The following POLQ variants were observed in gnomAD, a reference collection of about 807,000 sequenced individuals.
POLQ encodes DNA polymerase theta.
A neutral mutation model predicts 259.2 loss-of-function variants in POLQ; 233 were observed. The observed-to-expected ratio is 0.90, with a 90% CI of 0.81 to 1.00. The LOEUF (loss-of-function observed/expected upper bound fraction) is 1.00, where lower values mean the gene tolerates loss of function less well. Ranked by LOEUF, POLQ falls within the 50% of genes least tolerant of loss-of-function variation. The pLI is 0.00. For missense variants in POLQ, 2,871 were observed against 3,051.6 expected (o/e 0.94, Z 1.39); for synonymous variants, 1,025 against 1,048.8 (o/e 0.98, Z 0.44).
Position 121,488,494 on chromosome 3 carries a change from A to T in POLQ, c.4437T>A (p.Pro1479=). 6.2e-7 allele frequency: 1 copy of T among 1,608,218 alleles called. No individual in the cohort carries two copies. The highest frequency in any genetic ancestry group is 8.5e-7 in the Non-Finnish European group (1 of 1,177,806). Reference sequence around the variant, plus strand: ...TATCACTCATATTCAAACTTGTTTCAGGAACTGGAAGACATTCTCCTTCTA... The same window carrying T: ...TATCACTCATATTCAAACTTGTTTCTGGAACTGGAAGACATTCTCCTTCTA... ...TGVEGECLPV[P]ETSLNMSDSL... is the part of the protein sequence containing the mutation. The change falls in exon 16 of 30, where the codon CCT becomes CCA. Residue 1479 remains proline (P), a synonymous_variant. Coordinates refer to ENST00000264233, the MANE Select transcript of POLQ (RefSeq NM_199420.4).
chr3:121,489,521 A>G lies in POLQ; in HGVS notation c.3410T>C (p.Ile1137Thr). 6.2e-7 allele frequency: 1 copy of G among 1,613,844 alleles called. No homozygotes were observed. The highest frequency in any genetic ancestry group is 8.5e-7 in the Non-Finnish European group (1 of 1,179,936). ...TLTNDNFVEH[I>T]VTGSQSKNVT... ...ATTTTTACTCTGAGATCCTGTGACA[A>G]TATGCTCCACAAAATTATCATTAGT... Residue 1137 changes from isoleucine (I) to threonine (T), a missense_variant, in exon 16 of 30, where the codon ATT (isoleucine) becomes ACT (threonine). Coordinates refer to ENST00000264233, the MANE Select transcript of POLQ (RefSeq NM_199420.4).
At chr3:121,452,705 A>G (rs2108779622) in intron 25 of POLQ, among the ~76,000 whole-genome samples, 1 of 152,308 alleles carries the variant, frequency 6.6e-6, no homozygotes, top group East Asian at 1.9e-4. Context: ...GCCATTGCCC[A>G]GGCTTGCTTA....
chr3:121,509,999 A>G (rs775691153), intron 11 of POLQ, 40 bp downstream of exon 11: 1 of 1,477,868 alleles, frequency 6.8e-7, no homozygotes, highest in South Asian at 1.1e-5. Flanking sequence ...TCACTAAAGA[A>G]GAAAAAGTGA....
At chr3:121,448,401 C>T (rs1449353291) in intron 26 of POLQ, among the ~76,000 whole-genome samples, 1 of 151,802 alleles carries the variant, frequency 6.6e-6, no homozygotes, top group Admixed American at 6.6e-5. Context: ...GAGTTTCATT[C>T]TTGACCCCCA....
At chr3:121,519,817 A>G in intron 9 of POLQ, 54 bp downstream of exon 9, 1 of 1,002,318 alleles carries the variant, frequency 1.0e-6, no homozygotes, top group South Asian at 1.3e-5. Context: ...GTCAAATTTC[A>G]AGTAGACACT....
chr3:121,470,265 A>G (rs1384372787), intron 22 of POLQ, among the ~76,000 whole-genome samples: 1 of 152,200 alleles, frequency 6.6e-6, no homozygotes, highest in East Asian at 1.9e-4. Flanking sequence ...CTCAAAAATA[A>G]ATAAATAAAT....
At position 121,496,817 on chromosome 3, in the gene POLQ, C is replaced by G; in HGVS notation, c.2269G>C (p.Val757Leu). The change falls in exon 14 of 30, where the codon GTT becomes CTT. Residue 757 changes from valine to leucine, a missense_variant. Physicochemically the swap from Val to Leu is conservative, Grantham distance 32. Coordinates refer to ENST00000264233, the MANE Select transcript of POLQ (RefSeq NM_199420.4). ...QIQSLQQSAA[V>L]YAGMITVFSN... is the part of the protein sequence containing the mutation. ...CCTTTGTTTAACTGACCTGCATAAA[C>G]AGCAGCTGACTGTTGCAAAGATTGA... 1 of 1,612,292 alleles carries G rather than the reference C, an allele frequency of 6.2e-7. No individual in the cohort carries two copies. Among genetic ancestry groups the G allele is most frequent in the Non-Finnish European group, 8.5e-7 (1 of 1,179,678 alleles).
intron 9 of POLQ, among the ~76,000 whole-genome samples, chr3:121,512,357 T>C (rs1378281521): frequency 6.6e-6 from 1 of 152,180 alleles, no homozygotes; most frequent in Non-Finnish European, 1.5e-5. Flanking sequence ...CCATTCCCTC[T>C]CCCACACAGG....
intron 6 of POLQ, among the ~76,000 whole-genome samples, chr3:121,530,361 AG>A (rs1395305737): frequency 3.3e-5 from 5 of 152,344 alleles, no homozygotes; most frequent in African/African-American, 1.2e-4. Flanking sequence ...AGAACATTTA[AG>A]GTAGGCTAGG....
At chr3:121,464,392 C>CAATAATAAT (rs893732851) in intron 24 of POLQ, among the ~76,000 whole-genome samples, 1 of 151,332 alleles carries the variant, frequency 6.6e-6, no homozygotes, top group South Asian at 2.1e-4. Flanking sequence ...ACAACAACAA[C>CAATAATAAT]AATAATAATA....
rs1254822455 is a variant in POLQ, at chr3:121,529,595, T to C, written c.1108+50A>G. On this transcript the variant is annotated intron_variant, in intron 7 of 29. Coordinates refer to ENST00000264233, the MANE Select transcript of POLQ (RefSeq NM_199420.4). ...GCTAATATAATCACTACCATTACTT[T>C]CAAGCAAATGTACTAAGCATGAAGG... 3.8e-6 allele frequency: 6 copies of C among 1,563,432 alleles called. No homozygotes were observed. In the South Asian group the frequency reaches 5.7e-5, roughly 15 times the overall value.
chr3:121,470,188 G>A (rs901804200), intron 22 of POLQ, among the ~76,000 whole-genome samples: 2 of 152,090 alleles, frequency 1.3e-5, no homozygotes, highest in South Asian at 4.2e-4. Context: ...GAACCTAGGA[G>A]GCGGAGGTTG....
chr3:121,486,901 GAGA>G (rs1428728071), intron 16 of POLQ, among the ~76,000 whole-genome samples: 4 of 149,304 alleles, frequency 2.7e-5, no homozygotes, highest in South Asian at 4.2e-4. Flanking sequence ...GACAGAGAGA[GAGA>G]GAGAGAGAGA....
intron 25 of POLQ, among the ~76,000 whole-genome samples, chr3:121,458,234 G>T (rs1377034025): frequency 1.3e-5 from 2 of 152,040 alleles, no homozygotes; most frequent in African/African-American, 4.8e-5. Flanking sequence ...GGGGACTGTT[G>T]TGTGGTGGGG....
intron 12 of POLQ, among the ~76,000 whole-genome samples, chr3:121,500,301 T>C (rs1251316774): frequency 2.2e-5 from 3 of 136,150 alleles, no homozygotes; most frequent in Non-Finnish European, 3.1e-5. Context: ...AAAAAAAAAG[T>C]GCAGTAACTA....
Position 121,545,979 on chromosome 3 carries a change from C to T in POLQ, c.-102G>A. 5 of 1,429,268 alleles carry T rather than the reference C, an allele frequency of 3.5e-6. No homozygotes were observed. The highest frequency in any genetic ancestry group is 4.8e-6 in the Non-Finnish European group (5 of 1,035,092). 88.5% of individuals were successfully genotyped at this position (1,429,268 alleles called of 1,614,324 possible). ...CAGCTGCGGACATCTTCCCGCCAGT[C>T]TTCAAACTCAAACCTCCCGGCCCGC... On this transcript the variant is annotated 5_prime_UTR_variant, in exon 1 of 30. Coordinates refer to ENST00000264233, the MANE Select transcript of POLQ (RefSeq NM_199420.4).
chr3:121,487,999 C>A lies in POLQ; in HGVS notation c.4932G>T (p.Arg1644Ser). 2 of 1,613,000 alleles carry A rather than the reference C, an allele frequency of 1.2e-6. No individual in the cohort carries two copies. The highest frequency in any genetic ancestry group is 1.7e-6 in the Non-Finnish European group (2 of 1,179,552). The change falls in exon 16 of 30, where the codon AGG becomes AGT. Residue 1644 changes from arginine (R) to serine (S), a missense_variant. Around this residue, in one of 3 missense-constraint regions of POLQ, gnomAD observed 2,080 missense variants for 2,126.0 expected, o/e 0.98. Coordinates refer to ENST00000264233, the MANE Select transcript of POLQ (RefSeq NM_199420.4). ...GAGGACTGGATACTTTATCTAAAAT[C>A]CTTTGCAGTCCTGGACTTAGATCAA... ...ASFDLSPGLQ[R>S]ILDKVSSPLE...
rs375343694 is a variant in POLQ, at chr3:121,522,136, G to A, written c.1122C>T (p.Pro374=). The A allele has an allele frequency of 3.1e-6, 5 of 1,599,686 alleles. No homozygotes were observed. Among genetic ancestry groups the A allele is most frequent in the Non-Finnish European group, 4.3e-6 (5 of 1,176,210 alleles). ...CCAGAATTACTGGTGGGCATTCAGA[G>A]GGTTTCACCAATCCTGTCACAAAAA... ...LHHQAEGLVK[P]SECPPVILEQ... is the part of the protein sequence containing the mutation. Residue 374 remains proline, a synonymous_variant, in exon 8 of 30, where the codon CCC becomes CCT. Transcript: ENST00000264233.
chr3:121,508,992 T>C (rs1320837280), intron 12 of POLQ, among the ~76,000 whole-genome samples: 1 of 152,226 alleles, frequency 6.6e-6, no homozygotes, highest in African/African-American at 2.4e-5. Context: ...CCTTATTGCA[T>C]TTATTATAGA....
Sources: gnomAD v4.1 joint callset for allele counts (sites outside exome capture counted in the v4.1 genomes callset) on GRCh38, gnomAD v4.1.1 for gene constraint, gnomAD v4.1.1 regional missense constraint, MANE v1.5 for transcripts, NCBI Gene and HGNC (gene_info 2026-07-23, HGNC 2026-07-21) for gene names.